GALNTL6: variants seen among roughly 807,000 people sequenced by gnomAD.
GALNTL6 encodes the protein polypeptide N-acetylgalactosaminyltransferase like 6.
In GALNTL6, 46 loss-of-function variants were observed where a neutral mutation model predicts 73.7. The ratio of observed to expected loss-of-function variants is 0.62; its 90% CI spans 0.49 to 0.80. GALNTL6 has a LOEUF of 0.80. Ranked by LOEUF, GALNTL6 falls within the 30% of genes least tolerant of loss-of-function variation. The probability of loss-of-function intolerance (pLI) is 0.00; values close to 1 mark genes in which losing one functional copy is unlikely to be tolerated. For synonymous variants in GALNTL6, 259 were observed against 263.7 expected, an observed-to-expected ratio of 0.98 and a Z score of 0.17; for missense variants, 604 against 755.0, an observed-to-expected ratio of 0.80 and a Z score of 2.34.
chr4:172,054,609 G>C (rs190794537), intron 2 of GALNTL6, among the ~76,000 whole-genome samples: 10 of 152,164 alleles, frequency 6.6e-5, no homozygotes, highest in African/African-American at 2.2e-4. Flanking sequence ...TATTAATCTT[G>C]TTCACAAGAA....
chr4:172,283,029 G>A (rs557587339), intron 3 of GALNTL6, among the ~76,000 whole-genome samples: 10 of 152,304 alleles, frequency 6.6e-5, no homozygotes, highest in African/African-American at 2.4e-4. Flanking sequence ...ACCCTGCCAT[G>A]CATCATTGGG....
At position 172,161,627 on chromosome 4, in the gene GALNTL6, A is replaced by G. The variant is rs542911714; in HGVS notation, c.139-68029A>G. On this transcript the variant is annotated intron_variant, in intron 2 of 12. Transcript: ENST00000506823. ...AGGAAGGTTAGATCCAAGATCTTAGAAGAGTCAAGAAAAGTTTATAATAGG... is the reference window on the plus strand; with the variant it reads ...AGGAAGGTTAGATCCAAGATCTTAGGAGAGTCAAGAAAAGTTTATAATAGG... Among the ~76,000 whole-genome samples, 53 of 152,162 alleles carry G rather than the reference A, an allele frequency of 3.5e-4. No homozygotes were observed. The South Asian group carries it at 7.5e-3, about 21-fold the overall frequency.
At chr4:172,989,927 G>A (rs1751467048) in intron 10 of GALNTL6, among the ~76,000 whole-genome samples, 1 of 152,134 alleles carries the variant, frequency 6.6e-6, no homozygotes, top group Admixed American at 6.6e-5. Flanking sequence ...ACTTTTTAAA[G>A]CCTTGAGCCC....
chr4:172,792,374 A>C (rs1166970780), intron 5 of GALNTL6, among the ~76,000 whole-genome samples: 1 of 152,100 alleles, frequency 6.6e-6, no homozygotes, highest in Non-Finnish European at 1.5e-5. Context: ...GTGTTTATTC[A>C]AATATACATG....
At position 171,814,770 on chromosome 4, in the gene GALNTL6, TCG is replaced by T. The variant is rs1734477164; in HGVS notation, c.138+57_138+58del. The T allele has an allele frequency of 1.2e-5, 19 of 1,586,374 alleles. No individual in the cohort carries two copies. The African/African-American group carries it at 1.2e-4, about 10-fold the overall frequency. ...ACAAGGATTGGTAAGGCAGTGATCCTCGCGCGGGGACTCGAGAAAGCCGGTGT... is the reference window on the plus strand; with the variant it reads ...ACAAGGATTGGTAAGGCAGTGATCCTCGCGGGGACTCGAGAAAGCCGGTGT... On this transcript the variant is annotated intron_variant, in intron 2 of 12. Coordinates refer to ENST00000506823, the MANE Select transcript of GALNTL6 (RefSeq NM_001034845.3).
chr4:172,208,838 G>T (rs1736231100), intron 2 of GALNTL6, among the ~76,000 whole-genome samples: 1 of 152,072 alleles, frequency 6.6e-6, no homozygotes, highest in Non-Finnish European at 1.5e-5. Context: ...CTTTAATCAT[G>T]TCTGTGTGAG....
At chr4:172,476,531 C>T (rs1733240427) in intron 5 of GALNTL6, among the ~76,000 whole-genome samples, 1 of 152,148 alleles carries the variant, frequency 6.6e-6, no homozygotes, top group Non-Finnish European at 1.5e-5. Context: ...TCCCAACTTC[C>T]ACTGTTATAC....
Position 172,952,176 on chromosome 4 carries a change from T to C in GALNTL6, c.1289T>C (p.Phe430Ser). 1 of 1,614,066 alleles carries C rather than the reference T, an allele frequency of 6.2e-7. No individual in the cohort carries two copies. The highest frequency in any genetic ancestry group is 8.5e-7 in the Non-Finnish European group (1 of 1,179,996). ...ELRKQLKCKD[F>S]KWFMAAVAWD... ...CGCAAGCAGCTCAAGTGCAAGGACT[T>C]CAAATGGTTCATGGCTGCTGTGGCC... Residue 430 changes from phenylalanine to serine, a missense_variant, in exon 10 of 13, where the codon TTC becomes TCC. This residue lies in a region of GALNTL6 where 261 missense variants were observed against 296.5 expected (regional missense o/e 0.88). Coordinates refer to ENST00000506823, the MANE Select transcript of GALNTL6 (RefSeq NM_001034845.3).
chr4:172,583,772 C>T (rs1737287936), intron 5 of GALNTL6, among the ~76,000 whole-genome samples: 1 of 151,602 alleles, frequency 6.6e-6, no homozygotes, highest in African/African-American at 2.4e-5. Context: ...TGGCACACGC[C>T]TGTAATCCCA....
chr4:171,909,385 C>A (rs114288564), intron 2 of GALNTL6, among the ~76,000 whole-genome samples: 3,328 of 152,150 alleles, frequency 0.022, 95 homozygotes, highest in African/African-American at 0.071. Context: ...GTCTTGTGAT[C>A]AAATATTCTA....
At chr4:172,697,678 C>A (rs753252372) in intron 5 of GALNTL6, among the ~76,000 whole-genome samples, 7 of 152,004 alleles carry the variant, frequency 4.6e-5, no homozygotes, top group Non-Finnish European at 8.8e-5. Flanking sequence ...AGAAACAAAG[C>A]CGAGAATGGA....
At chr4:172,797,275 C>CA (rs1740324561) in intron 5 of GALNTL6, among the ~76,000 whole-genome samples, 1 of 151,968 alleles carries the variant, frequency 6.6e-6, no homozygotes, top group Non-Finnish European at 1.5e-5. Context: ...TATTTGGAGA[C>CA]AGAGTCTTGC....
chr4:172,989,185 TA>T (rs1243455711), intron 10 of GALNTL6, among the ~76,000 whole-genome samples: 6 of 152,200 alleles, frequency 3.9e-5, no homozygotes, highest in African/African-American at 1.4e-4. Context: ...AAGGAGGCTA[TA>T]TCTTGCAGAG....
At chr4:172,454,811 T>C (rs1276017504) in intron 5 of GALNTL6, among the ~76,000 whole-genome samples, 3 of 152,198 alleles carry the variant, frequency 2.0e-5, no homozygotes, top group African/African-American at 7.2e-5. Context: ...CCAGTGTAGC[T>C]CTCCAGCCCC....
chr4:171,875,272 T>A (rs1352687503), intron 2 of GALNTL6, among the ~76,000 whole-genome samples: 2 of 152,002 alleles, frequency 1.3e-5, no homozygotes, highest in Admixed American at 6.6e-5. Flanking sequence ...GAAATAAGAG[T>A]AGACTCCAAG....
chr4:172,127,376 C>T (rs991640827), intron 2 of GALNTL6, among the ~76,000 whole-genome samples: 4 of 152,352 alleles, frequency 2.6e-5, no homozygotes, highest in African/African-American at 9.6e-5. Context: ...CTGCCACTAC[C>T]ACCATAGCAG....
intron 5 of GALNTL6, among the ~76,000 whole-genome samples, chr4:172,608,808 AGT>A (rs1268238554): frequency 1.3e-5 from 2 of 152,070 alleles, no homozygotes; most frequent in Admixed American, 6.6e-5. Context: ...TTCTTTCAGC[AGT>A]GTTTTGTAAT....
At chr4:172,360,261 C>T (rs1012239654) in intron 5 of GALNTL6, among the ~76,000 whole-genome samples, 5 of 152,104 alleles carry the variant, frequency 3.3e-5, no homozygotes, top group South Asian at 2.1e-4. Context: ...GAAAGCTGTA[C>T]GATCATAAAT....
chr4:172,875,491 T>A (rs1745148515), intron 7 of GALNTL6, among the ~76,000 whole-genome samples: 1 of 152,166 alleles, frequency 6.6e-6, no homozygotes, highest in Non-Finnish European at 1.5e-5. Flanking sequence ...CCATCATATT[T>A]ACATTTTGTA....
Sources: gnomAD v4.1 joint callset for allele counts (sites outside exome capture counted in the v4.1 genomes callset) on GRCh38, gnomAD v4.1.1 for gene constraint, gnomAD v4.1.1 regional missense constraint, MANE v1.5 for transcripts, NCBI Gene and HGNC (gene_info 2026-07-23, HGNC 2026-07-21) for gene names.